Variants in AK5 observed in about 807,000 individuals in gnomAD.
The protein encoded by AK5 is adenylate kinase isoenzyme 5.
Under a neutral mutation model 69.5 loss-of-function variants are expected in AK5, and 27 were observed. The ratio of observed to expected loss-of-function variants is 0.39; its 90% CI spans 0.29 to 0.54. The LOEUF (loss-of-function observed/expected upper bound fraction) is 0.54. Ranked by LOEUF, AK5 falls within the 20% of genes least tolerant of loss-of-function variation. The probability of loss-of-function intolerance (pLI) is 0.71; values close to 1 mark genes in which losing one functional copy is unlikely to be tolerated. For missense variants in AK5, 531 were observed against 700.4 expected, an observed-to-expected ratio of 0.76 and a Z score of 2.73; for synonymous variants, 260 against 244.4, an observed-to-expected ratio of 1.06 and a Z score of -0.60.
intron 6 of AK5, among the ~76,000 whole-genome samples, chr1:77,355,399 C>G (rs1662458649): frequency 6.6e-6 from 1 of 152,116 alleles, no homozygotes; most frequent in Non-Finnish European, 1.5e-5. Flanking sequence ...AAATGATAGC[C>G]CTACTTTAAA....
At chr1:77,448,366 A>G (rs1476480796) in intron 8 of AK5, among the ~76,000 whole-genome samples, 1 of 152,148 alleles carries the variant, frequency 6.6e-6, no homozygotes, top group East Asian at 1.9e-4. Context: ...CGATGGGACA[A>G]CCTGCCTGCA....
intron 10 of AK5, 83 bp from the exon 11 acceptor site, chr1:77,518,481 G>A (rs1191510656): frequency 9.7e-6 from 14 of 1,440,648 alleles, no homozygotes; most frequent in Non-Finnish European, 1.1e-5. Flanking sequence ...CTGGAACACT[G>A]AGGCTTGCTC....
At chr1:77,376,074 A>C (rs1487511344) in intron 6 of AK5, among the ~76,000 whole-genome samples, 1 of 152,212 alleles carries the variant, frequency 6.6e-6, no homozygotes, top group Non-Finnish European at 1.5e-5. Context: ...TTCTTATGCA[A>C]AATACAGCAG....
intron 9 of AK5, among the ~76,000 whole-genome samples, chr1:77,485,386 A>G (rs1655526204): frequency 6.6e-6 from 1 of 152,196 alleles, no homozygotes; most frequent in South Asian, 2.1e-4. Context: ...GAATTCCTAC[A>G]AAATGTGGTA....
At chr1:77,374,822 A>AC (rs1162914926) in intron 6 of AK5, among the ~76,000 whole-genome samples, 2 of 93,532 alleles carry the variant, frequency 2.1e-5, no homozygotes, top group Non-Finnish European at 4.7e-5. Context: ...CCTGTCTCAG[A>AC]AAAAAAAAAA....
rs34679101 is a variant in AK5 at position 77,500,880 on chromosome 1, T to G, written c.1147+14528T>G. Among the ~76,000 whole-genome samples, 253 of 117,560 alleles carry G rather than the reference T, an allele frequency of 2.2e-3. 2 individuals are homozygous for G. The highest frequency in any genetic ancestry group is 0.01 in the South Asian group (32 of 3,178). The allele number at this position is 117,560 out of a possible 152,430, so 77.1% of individuals were successfully genotyped here. A position where few individuals can be genotyped will look rare whatever the true frequency, so the allele number is the denominator to read the frequency against. Reference sequence around the variant, plus strand: ...TTCGTTTTTTGTTTTGTTTTGTTTTTTTTTATGTTCCTACCCATCCCAGAA... The same window carrying G: ...TTCGTTTTTTGTTTTGTTTTGTTTTGTTTTATGTTCCTACCCATCCCAGAA... On this transcript the variant is annotated intron_variant, in intron 10 of 13. Coordinates refer to ENST00000354567, the MANE Select transcript of AK5 (RefSeq NM_174858.3).
chr1:77,339,643 TC>T (rs144288896), intron 5 of AK5, among the ~76,000 whole-genome samples: 10,477 of 126,022 alleles, frequency 0.083, 410 homozygotes, highest in Middle Eastern at 0.16. Context: ...TTTAGCAATA[TC>T]TTTTTTTTTT....
chr1:77,495,326 G>A (rs115787739), intron 10 of AK5, among the ~76,000 whole-genome samples: 2,239 of 152,326 alleles, frequency 0.015, 57 homozygotes, highest in African/African-American at 0.051. Flanking sequence ...TGGGAATATA[G>A]TGGGTGAGAG....
chr1:77,473,198 G>T (rs540873808), intron 8 of AK5, among the ~76,000 whole-genome samples: 1 of 151,000 alleles, frequency 6.6e-6, no homozygotes, highest in South Asian at 2.1e-4. Flanking sequence ...AAGCTTCTTG[G>T]GGTTTTTTTT....
intron 1 of AK5, chr1:77,283,714 C>G: frequency 1.5e-6 from 1 of 658,386 alleles, no homozygotes; most frequent in Non-Finnish European, 1.9e-6. Context: ...AAGGACAGGT[C>G]TTGAGAATAT....
intron 6 of AK5, among the ~76,000 whole-genome samples, chr1:77,358,014 T>TGAGA (rs770789847): frequency 6.5e-5 from 7 of 107,678 alleles, no homozygotes; most frequent in Non-Finnish European, 1.2e-4. Flanking sequence ...TGTGTGTGTG[T>TGAGA]GTGTGAGAGA....
chr1:77,413,837 C>G (rs1358836305), intron 7 of AK5, among the ~76,000 whole-genome samples: 1 of 152,134 alleles, frequency 6.6e-6, no homozygotes, highest in East Asian at 1.9e-4. Flanking sequence ...CTGCCCCAAC[C>G]CTGTCCTGGA....
intron 8 of AK5, among the ~76,000 whole-genome samples, chr1:77,480,123 T>A (rs1309225479): frequency 5.3e-4 from 4 of 7,552 alleles, no homozygotes; most frequent in Middle Eastern, 0.056. Flanking sequence ...ACCCCGAGTG[T>A]GTGTGTGTGT....
intron 5 of AK5, among the ~76,000 whole-genome samples, chr1:77,326,525 A>G (rs918285658): frequency 2.0e-5 from 3 of 151,766 alleles, no homozygotes; most frequent in Non-Finnish European, 4.4e-5. Flanking sequence ...TTTTTAGTCT[A>G]TTTTCCATTC....
chr1:77,360,404 A>G (rs957371992), intron 6 of AK5, among the ~76,000 whole-genome samples: 2 of 152,214 alleles, frequency 1.3e-5, no homozygotes, highest in African/African-American at 4.8e-5. Flanking sequence ...TCATTTCAAC[A>G]GCTGGCAGGA....
intron 8 of AK5, among the ~76,000 whole-genome samples, chr1:77,431,413 A>G (rs1651630611): frequency 6.6e-6 from 1 of 152,184 alleles, no homozygotes; most frequent in African/African-American, 2.4e-5. Flanking sequence ...TTCTAGCAGG[A>G]CACAGAGAAG....
intron 12 of AK5, among the ~76,000 whole-genome samples, chr1:77,531,380 C>A (rs992266457): frequency 2.0e-5 from 3 of 152,176 alleles, no homozygotes; most frequent in Non-Finnish European, 4.4e-5. Context: ...GTCCATTTTA[C>A]AGAGAGCTGA....
intron 12 of AK5, among the ~76,000 whole-genome samples, chr1:77,531,922 G>A (rs1658630114): frequency 1.3e-5 from 2 of 151,890 alleles, no homozygotes; most frequent in African/African-American, 4.8e-5. Context: ...AGGCAGCTAA[G>A]GCCCGGCGAG....
chr1:77,334,282 T>C (rs1389577607), intron 5 of AK5, among the ~76,000 whole-genome samples: 1 of 152,238 alleles, frequency 6.6e-6, no homozygotes, highest in Non-Finnish European at 1.5e-5. Flanking sequence ...CATTGTTTTC[T>C]GACTTTCATT....
Sources: allele counts gnomAD v4.1 joint callset (sites outside exome capture counted in the v4.1 genomes callset), GRCh38; gene constraint gnomAD v4.1.1; transcripts MANE v1.5; gene names NCBI Gene and HGNC (gene_info 2026-07-23, HGNC 2026-07-21).